The following CD80 variants were observed in gnomAD, a reference collection of about 807,000 sequenced individuals.
CD80 encodes T-lymphocyte activation antigen CD80.
CD80 carries 13 observed loss-of-function variants against 27.1 expected under a neutral mutation model. The ratio of observed to expected loss-of-function variants is 0.48; its 90% CI spans 0.31 to 0.76. CD80 has a LOEUF of 0.76. CD80 is among the 30% of genes least tolerant of loss of function. The pLI, the probability that CD80 is intolerant of heterozygous loss-of-function variation, is 0.04. For missense variants in CD80, 277 were observed against 347.9 expected (o/e 0.80, Z 1.62); for synonymous variants, 125 against 125.5 (o/e 1.00, Z 0.03).
chr3:119,526,366 C>T (rs1183037311), intron 6 of CD80, among the ~76,000 whole-genome samples: 1 of 152,096 alleles, frequency 6.6e-6, no homozygotes, highest in Non-Finnish European at 1.5e-5. Context: ...GAGCAGAAGA[C>T]TTTTTAGATA....
At position 119,529,949 on chromosome 3, in the gene CD80, A is replaced by G; in HGVS notation, c.701-12T>C. The G allele has an allele frequency of 6.4e-7, 1 of 1,569,588 alleles. No individual in the cohort carries two copies. The highest frequency in any genetic ancestry group is 1.3e-5 in the African/African-American group (1 of 74,150). ...ATGCTCTTGCTTGGCTATGGAGGGA[A>G]AAGAATAATGTCAGCTGTAATGTAT... On this transcript the variant is annotated splice_polypyrimidine_tract_variant and intron_variant, in intron 4 of 6. Coordinates refer to ENST00000264246, the MANE Select transcript of CD80 (RefSeq NM_005191.4).
intron 4 of CD80, among the ~76,000 whole-genome samples, chr3:119,531,905 T>G (rs2107740314): frequency 6.6e-6 from 1 of 152,114 alleles, no homozygotes; most frequent in African/African-American, 2.4e-5. Context: ...CTCAGGTGAT[T>G]CTCCTGTCTT....
At chr3:119,553,039 G>A (rs2082242717) in intron 2 of CD80, among the ~76,000 whole-genome samples, 1 of 151,178 alleles carries the variant, frequency 6.6e-6, no homozygotes, top group African/African-American at 2.4e-5. Flanking sequence ...ATTTCCTTCT[G>A]GAATTCGATA....
intron 2 of CD80, among the ~76,000 whole-genome samples, chr3:119,548,384 T>C (rs1271721025): frequency 6.6e-6 from 1 of 152,062 alleles, no homozygotes; most frequent in African/African-American, 2.4e-5. Flanking sequence ...GAGACAGGGA[T>C]CCCTAGTGAG....
rs2228017 is a variant in CD80, at chr3:119,544,833, C to T, written c.135G>A (p.Val45=). Residue 45 remains valine (V), a synonymous_variant, in exon 3 of 7, where the codon GTG becomes GTA. Coordinates refer to ENST00000264246, the MANE Select transcript of CD80 (RefSeq NM_005191.4). ...VIHVTKEVKE[V]ATLSCGHNVS... is the part of the protein sequence containing the mutation. The stretch of plus-strand genomic sequence containing the variant: ...CATTGTGACCACAGGACAGCGTTGC[C>T]ACTTCTTTCACTTCCTTGGTCACGT... 0.25 allele frequency: 401,069 copies of T among 1,613,500 alleles called. 50,599 individuals are homozygous for T. The highest frequency in any genetic ancestry group is 0.31 in the East Asian group (13,710 of 44,852).
rs1459536405 is a variant in CD80 at position 119,525,131 on chromosome 3, T to C, written c.*657A>G. 1.3e-5 allele frequency: 2 copies of C among 152,204 alleles called. No individual in the cohort carries two copies. Among genetic ancestry groups the C allele is most frequent in the Admixed American group, 6.5e-5 (1 of 15,270 alleles). 9.4% of individuals were successfully genotyped at this position (152,204 alleles called of 1,614,324 possible). ...ATTAGTTTTGGATAGTTCTCCTTTC[T>C]GCTGTACCTCATGGGGGAGTGAGAG... On this transcript the variant is annotated 3_prime_UTR_variant, in exon 7 of 7. Coordinates refer to ENST00000264246, the MANE Select transcript of CD80 (RefSeq NM_005191.4).
At chr3:119,536,504 C>A (rs1349521576) in intron 4 of CD80, among the ~76,000 whole-genome samples, 2 of 151,826 alleles carry the variant, frequency 1.3e-5, no homozygotes, top group African/African-American at 4.8e-5. Flanking sequence ...CCAAGCCTGG[C>A]TAATTTTTTA....
chr3:119,551,197 C>T (rs79689603), intron 2 of CD80, among the ~76,000 whole-genome samples: 300 of 152,290 alleles, frequency 2.0e-3, no homozygotes, highest in African/African-American at 7.0e-3. Context: ...TGAGGTCTGG[C>T]TCCATCCACT....
At chr3:119,549,301 A>C (rs982706799) in intron 2 of CD80, among the ~76,000 whole-genome samples, 1 of 152,226 alleles carries the variant, frequency 6.6e-6, no homozygotes, top group Non-Finnish European at 1.5e-5. Flanking sequence ...CCACATAGCC[A>C]AGAAATATCA....
intron 2 of CD80, among the ~76,000 whole-genome samples, chr3:119,554,387 C>T (rs1404902241): frequency 6.6e-6 from 1 of 152,204 alleles, no homozygotes; most frequent in Non-Finnish European, 1.5e-5. Context: ...TCTCCTTAGA[C>T]CTGACCCTCT....
Position 119,545,675 on chromosome 3 carries a change from G to A in CD80, c.101-808C>T, listed in dbSNP as rs550299512. On this transcript the variant is annotated intron_variant, in intron 2 of 6. Coordinates refer to ENST00000264246, the MANE Select transcript of CD80 (RefSeq NM_005191.4). Reference sequence around the variant, plus strand: ...TCATTCACGTTGTAGCATATGATAGGATTTCCTTCCTTTGGAATGGTAATG... The same window carrying A: ...TCATTCACGTTGTAGCATATGATAGAATTTCCTTCCTTTGGAATGGTAATG... Among the ~76,000 whole-genome samples, 7 of 152,124 alleles carry A rather than the reference G, an allele frequency of 4.6e-5. No homozygotes were observed. In the South Asian group the frequency reaches 6.2e-4, roughly 14 times the overall value.
chr3:119,559,457 C>A lies in CD80; in HGVS notation c.-218G>T, dbSNP rs2107750196. 6.6e-6 allele frequency: 1 copy of A among 152,280 alleles called. No individual in the cohort carries two copies. Among genetic ancestry groups the A allele is most frequent in the East Asian group, 1.9e-4 (1 of 5,182 alleles). 9.4% of individuals were successfully genotyped at this position (152,280 alleles called of 1,614,324 possible). A position where few individuals can be genotyped will look rare whatever the true frequency, so the allele number is the denominator to read the frequency against. On this transcript the variant is annotated 5_prime_UTR_variant, in exon 1 of 7. Transcript: ENST00000264246. ...GTACTTACTTGCTGAAGAAAAATTCCACTTTTTCTTTAAATCCTTTGATTT... is the reference window on the plus strand; with the variant it reads ...GTACTTACTTGCTGAAGAAAAATTCAACTTTTTCTTTAAATCCTTTGATTT...
At chr3:119,544,501 G>T in intron 3 of CD80, 49 bp downstream of exon 3, 2 of 1,520,090 alleles carry the variant, frequency 1.3e-6, no homozygotes, top group Non-Finnish European at 1.8e-6. Context: ...TGTCTTTAAG[G>T]GCATTAAGAA....
At chr3:119,536,065 C>T (rs1489419138) in intron 4 of CD80, among the ~76,000 whole-genome samples, 3 of 151,852 alleles carry the variant, frequency 2.0e-5, no homozygotes, top group South Asian at 4.2e-4. Context: ...GCCTGACCAA[C>T]ATGGTGAAAC....
At chr3:119,525,861 T>C (rs1478132762) in intron 6 of CD80, 112 bp from the exon 7 acceptor site, 1 of 141,154 alleles carries the variant, frequency 7.1e-6, no homozygotes, top group Non-Finnish European at 1.5e-5. Context: ...ATTATATATG[T>C]ATATATGTAT....
chr3:119,534,546 GA>G (rs1230000219), intron 4 of CD80, among the ~76,000 whole-genome samples: 2 of 151,992 alleles, frequency 1.3e-5, no homozygotes, highest in Admixed American at 6.6e-5. Context: ...GCTCTATTCA[GA>G]AAAAAATTTG....
chr3:119,539,675 G>A (rs113383951), intron 3 of CD80, among the ~76,000 whole-genome samples: 8 of 152,086 alleles, frequency 5.3e-5, no homozygotes, highest in Non-Finnish European at 8.8e-5. Flanking sequence ...GATACCTAGC[G>A]GCTTCGTCAC....
intron 2 of CD80, among the ~76,000 whole-genome samples, chr3:119,546,060 A>C (rs936503576): frequency 2.0e-5 from 3 of 152,254 alleles, no homozygotes; most frequent in African/African-American, 7.2e-5. Context: ...AATCACTAAA[A>C]TCAGACTCAT....
At chr3:119,558,127 A>G (rs527800946) in intron 1 of CD80, among the ~76,000 whole-genome samples, 199 bp from the exon 2 acceptor site, 161 of 152,286 alleles carry the variant, frequency 1.1e-3, no homozygotes, top group African/African-American at 3.6e-3. Context: ...CCTTCCATGA[A>G]AAGGCTTTCT....
Sources: gnomAD v4.1 joint callset for allele counts (sites outside exome capture counted in the v4.1 genomes callset) on GRCh38, gnomAD v4.1.1 for gene constraint, MANE v1.5 for transcripts, NCBI Gene and HGNC (gene_info 2026-07-23, HGNC 2026-07-21) for gene names.